The following SLC25A32 variants were observed in gnomAD, a reference collection of about 807,000 sequenced individuals.
The protein encoded by SLC25A32 is Glycine auxotroph B, complementation of hamster.
A neutral mutation model predicts 39.0 loss-of-function variants in SLC25A32; 32 were observed. That is an observed-to-expected ratio of 0.82 (90% CI 0.62 to 1.10). The LOEUF (loss-of-function observed/expected upper bound fraction) is 1.10, where lower values mean the gene tolerates loss of function less well. Among genes scored for constraint, SLC25A32 ranks in the 50% least tolerant of loss-of-function variants. The pLI is 0.00. For missense variants in SLC25A32, 367 were observed against 395.3 expected (o/e 0.93, Z 0.61); for synonymous variants, 166 against 152.4 (o/e 1.09, Z -0.66).
rs1484504951 is a variant in SLC25A32, at chr8:103,401,735, C to CA, written c.667-75dup. 1.5e-5 allele frequency: 20 copies of CA among 1,315,186 alleles called. No homozygotes were observed. In the African/African-American group the frequency reaches 1.9e-4, roughly 13 times the overall value. The allele number at this position is 1,315,186 out of a possible 1,614,324, so 81.5% of individuals were successfully genotyped here. On this transcript the variant is annotated intron_variant, in intron 5 of 6. Transcript: ENST00000297578. ...AAAATACAGAAGTAAAAATTATATACAAAAAACATTTAAATGGATCTTTAA... is the reference window on the plus strand; with the variant it reads ...AAAATACAGAAGTAAAAATTATATACAAAAAAACATTTAAATGGATCTTTAA...
At position 103,402,034 on chromosome 8, in the gene SLC25A32, A is replaced by C. The variant is rs779744059; in HGVS notation, c.573T>G (p.Phe191Leu). 15 of 1,612,274 alleles carry C rather than the reference A, an allele frequency of 9.3e-6. No individual in the cohort carries two copies. The Admixed American group carries it at 2.5e-4, about 27-fold the overall frequency. Residue 191 changes from phenylalanine (F) to leucine (L), a missense_variant, in exon 5 of 7, where the codon TTT (phenylalanine) becomes TTG (leucine). By Grantham distance (22) the Phe-to-Leu change is conservative. Coordinates refer to ENST00000297578, the MANE Select transcript of SLC25A32 (RefSeq NM_030780.5). ...ACTGAAGGGCACCATGCGATGTTCC[A>C]AACAGCCCAGGAACAAATCCCTACA... is the stretch of plus-strand genomic sequence containing the variant. ...GLYKGFVPGLFGTSHGALQFM... is the reference protein window; with the variant it reads ...GLYKGFVPGLLGTSHGALQFM...
At chr8:103,414,690 A>G (rs1816552364) in intron 1 of SLC25A32, 94 bp downstream of exon 1, 4 of 1,533,274 alleles carry the variant, frequency 2.6e-6, no homozygotes, top group Non-Finnish European at 3.6e-6. Flanking sequence ...GCTCCCTTCA[A>G]CGCTCCTCCT....
chr8:103,407,715 A>T lies in SLC25A32; in HGVS notation c.224T>A (p.Leu75His). ...ILHCLTTIWK[L>H]DGLRGLYQGV... is the part of the protein sequence containing the mutation. Reference sequence around the variant, plus strand: ...TTGATAAAGTCCCCGTAGTCCATCAAGTTTCCAAATGGTAGTCAAGCAATG... The same window carrying T: ...TTGATAAAGTCCCCGTAGTCCATCATGTTTCCAAATGGTAGTCAAGCAATG... The change falls in exon 2 of 7, where the codon CTT (leucine) becomes CAT (histidine). Residue 75 changes from leucine to histidine, a missense_variant. Coordinates refer to ENST00000297578, the MANE Select transcript of SLC25A32 (RefSeq NM_030780.5). The T allele has an allele frequency of 6.2e-7, 1 of 1,613,406 alleles. No individual in the cohort carries two copies. The highest frequency in any genetic ancestry group is 8.5e-7 in the Non-Finnish European group (1 of 1,179,628).
chr8:103,414,319 A>C (rs1816537595), intron 1 of SLC25A32, among the ~76,000 whole-genome samples: 2 of 152,226 alleles, frequency 1.3e-5, no homozygotes, highest in African/African-American at 4.8e-5. Flanking sequence ...ATGCCAAAAA[A>C]CAAACATTCA....
chr8:103,401,293 T>G (rs1816212886), intron 6 of SLC25A32, among the ~76,000 whole-genome samples: 1 of 144,788 alleles, frequency 6.9e-6, no homozygotes, highest in South Asian at 2.2e-4. Context: ...TTGATTCTTA[T>G]AACAACCTAT....
At chr8:103,404,645 T>A (rs2130442040) in intron 3 of SLC25A32, 131 bp downstream of exon 3, 2 of 544,904 alleles carry the variant, frequency 3.7e-6, no homozygotes, top group Non-Finnish European at 6.3e-6. Flanking sequence ...AAAACAGAAA[T>A]TCCATGTAAC....
chr8:103,401,367 A>T, intron 6 of SLC25A32, 149 bp downstream of exon 6: 1 of 596,340 alleles, frequency 1.7e-6, no homozygotes, highest in Non-Finnish European at 2.8e-6. Flanking sequence ...GGCCATGGTC[A>T]CATACGTAAT....
At chr8:103,403,841 A>G (rs1026878923) in intron 3 of SLC25A32, among the ~76,000 whole-genome samples, 2 of 152,256 alleles carry the variant, frequency 1.3e-5, no homozygotes, top group Non-Finnish European at 2.9e-5. Flanking sequence ...TTAAATAATT[A>G]TGTAATACAG....
At chr8:103,411,247 A>AACCT (rs1452116029) in intron 1 of SLC25A32, among the ~76,000 whole-genome samples, 1 of 152,146 alleles carries the variant, frequency 6.6e-6, no homozygotes, top group Non-Finnish European at 1.5e-5. Flanking sequence ...CCTTAGTTAG[A>AACCT]TACGTTACTC....
chr8:103,413,803 A>C (rs1386428963), intron 1 of SLC25A32, among the ~76,000 whole-genome samples: 1 of 152,196 alleles, frequency 6.6e-6, no homozygotes, highest in Non-Finnish European at 1.5e-5. Flanking sequence ...CCCAAGCCCC[A>C]ATCTTCCACT....
chr8:103,409,619 C>T (rs961049558), intron 1 of SLC25A32, among the ~76,000 whole-genome samples: 1 of 152,154 alleles, frequency 6.6e-6, no homozygotes, highest in African/African-American at 2.4e-5. Context: ...ATACAAATTA[C>T]ACTCCACTAG....
chr8:103,409,722 AGGAAAAGGG>A (rs1245377290), intron 1 of SLC25A32, among the ~76,000 whole-genome samples: 1 of 152,218 alleles, frequency 6.6e-6, no homozygotes. Flanking sequence ...TACCATTGCC[AGGAAAAGGG>A]GGAAAAGTCA....
intron 5 of SLC25A32, 86 bp downstream of exon 5, chr8:103,401,855 T>C: frequency 8.9e-7 from 1 of 1,120,664 alleles, no homozygotes; most frequent in Non-Finnish European, 1.3e-6. Context: ...ATCATAGCAC[T>C]ACCACCAAAG....
chr8:103,407,932 T>TTATATACATATTACATATATATATAAATA (rs1816368234), intron 1 of SLC25A32, 148 bp from the exon 2 acceptor site: 1 of 210,700 alleles, frequency 4.7e-6, no homozygotes, highest in African/African-American at 2.4e-5. Flanking sequence ...TTCCAGGCTT[T>TTATATACATATTACATATATATATAAATA]TATATATATA....
At chr8:103,403,371 C>A in intron 3 of SLC25A32, 47 bp from the exon 4 acceptor site, 1 of 1,204,114 alleles carries the variant, frequency 8.3e-7, no homozygotes, top group Non-Finnish European at 1.1e-6. Flanking sequence ...GATACTTTCG[C>A]ACTTATGACA....
Position 103,415,051 on chromosome 8 carries a change from CCAA to C in SLC25A32, c.-117_-115del. The C allele has an allele frequency of 6.3e-7, 1 of 1,597,834 alleles. No homozygotes were observed. The highest frequency in any genetic ancestry group is 8.5e-7 in the Non-Finnish European group (1 of 1,172,572). The stretch of plus-strand genomic sequence containing the variant: ...TGTGAGCGCAACCCCACCTCCGGGA[CCAA>C]CGAGAGGACTCTTATGCCCAAGGCG... On this transcript the variant is annotated 5_prime_UTR_variant, in exon 1 of 7. Transcript: ENST00000297578.
chr8:103,403,009 A>T (rs1035692097), intron 4 of SLC25A32, among the ~76,000 whole-genome samples, 155 bp downstream of exon 4: 1 of 152,194 alleles, frequency 6.6e-6, no homozygotes, highest in Non-Finnish European at 1.5e-5. Flanking sequence ...GTACAATTTC[A>T]GTATTATTAA....
intron 1 of SLC25A32, among the ~76,000 whole-genome samples, chr8:103,411,954 A>G (rs925442450): frequency 1.1e-4 from 17 of 152,200 alleles, no homozygotes; most frequent in Non-Finnish European, 8.8e-5. Context: ...AACTAACAGC[A>G]TATGTTACGG....
intron 6 of SLC25A32, 157 bp downstream of exon 6, chr8:103,401,359 C>T: frequency 1.8e-6 from 1 of 549,746 alleles, no homozygotes; most frequent in Non-Finnish European, 3.1e-6. Context: ...GAGATTAAGG[C>T]CATGGTCACA....
Sources: gnomAD v4.1 joint callset for allele counts (sites outside exome capture counted in the v4.1 genomes callset) on GRCh38, gnomAD v4.1.1 for gene constraint, MANE v1.5 for transcripts, NCBI Gene and HGNC (gene_info 2026-07-23, HGNC 2026-07-21) for gene names.